The following CNTNAP2 variants were observed in gnomAD, a reference collection of about 807,000 sequenced individuals.
The protein encoded by CNTNAP2 is contactin-associated protein-like 2.
CNTNAP2 carries 98 observed loss-of-function variants against 155.2 expected under a neutral mutation model. That is an observed-to-expected ratio of 0.63 (90% CI 0.54 to 0.75). The LOEUF is 0.75. CNTNAP2 is among the 30% of genes least tolerant of loss of function. The pLI is 0.00. For missense variants in CNTNAP2, 1,727 were observed against 1,688.1 expected, an observed-to-expected ratio of 1.02 and a Z score of -0.40; for synonymous variants, 651 against 631.2, an observed-to-expected ratio of 1.03 and a Z score of -0.47.
At chr7:146,196,209 G>C (rs1159720665) in intron 1 of CNTNAP2, among the ~76,000 whole-genome samples, 1 of 152,110 alleles carries the variant, frequency 6.6e-6, no homozygotes, top group Non-Finnish European at 1.5e-5. Context: ...ATTTGACAGA[G>C]AATCACCCAC....
chr7:146,622,778 G>A (rs554415793), intron 1 of CNTNAP2, among the ~76,000 whole-genome samples: 8 of 151,998 alleles, frequency 5.3e-5, no homozygotes, highest in Admixed American at 3.3e-4. Context: ...CCAATATGGT[G>A]AAACCCTGTC....
At chr7:147,782,607 G>A (rs78670315) in intron 13 of CNTNAP2, among the ~76,000 whole-genome samples, 2,702 of 152,114 alleles carry the variant, frequency 0.018, 73 homozygotes, top group African/African-American at 0.058. Flanking sequence ...AGCACTAATC[G>A]CATTCTTGAG....
intron 3 of CNTNAP2, among the ~76,000 whole-genome samples, chr7:146,866,167 T>C (rs530130144): frequency 2.6e-4 from 40 of 152,192 alleles, no homozygotes; most frequent in African/African-American, 9.4e-4. Context: ...TTTTGAAACA[T>C]TGGGATCCAG....
At chr7:146,814,987 T>C (rs898683849) in intron 2 of CNTNAP2, among the ~76,000 whole-genome samples, 1 of 152,168 alleles carries the variant, frequency 6.6e-6, no homozygotes, top group Non-Finnish European at 1.5e-5. Flanking sequence ...AATTTTCCTT[T>C]ATGTTTTGAA....
chr7:147,269,879 C>T (rs1040139721), intron 8 of CNTNAP2, among the ~76,000 whole-genome samples: 2 of 151,976 alleles, frequency 1.3e-5, no homozygotes, highest in Non-Finnish European at 2.9e-5. Context: ...ATGGTAAGAC[C>T]ACTGTCTCTA....
At chr7:147,870,656 C>T (rs1319014353) in intron 13 of CNTNAP2, among the ~76,000 whole-genome samples, 1 of 152,202 alleles carries the variant, frequency 6.6e-6, no homozygotes, top group African/African-American at 2.4e-5. Flanking sequence ...TCTTTATATG[C>T]CGCAATTCAT....
intron 10 of CNTNAP2, among the ~76,000 whole-genome samples, chr7:147,469,250 G>A (rs746011940): frequency 8.5e-5 from 13 of 152,072 alleles, no homozygotes; most frequent in Non-Finnish European, 1.3e-4. Context: ...GTTCAATTCC[G>A]TGTCCGTTCT....
intron 21 of CNTNAP2, among the ~76,000 whole-genome samples, chr7:148,367,471 GA>G (rs1309710155): frequency 1.3e-5 from 2 of 151,726 alleles, no homozygotes; most frequent in African/African-American, 4.8e-5. Flanking sequence ...TATTACTTTT[GA>G]TTTTTTTTTA....
At chr7:147,670,888 C>T (rs966781871) in intron 13 of CNTNAP2, among the ~76,000 whole-genome samples, 6 of 152,196 alleles carry the variant, frequency 3.9e-5, no homozygotes, top group African/African-American at 1.4e-4. Context: ...GGCAGAGGGA[C>T]GACTCAGCTG....
chr7:146,263,262 CGAGG>C (rs201163036), intron 1 of CNTNAP2, among the ~76,000 whole-genome samples: 6 of 146,768 alleles, frequency 4.1e-5, no homozygotes, highest in African/African-American at 1.3e-4. Flanking sequence ...AGGGAGTGAG[CGAGG>C]GAGGGAGGGA....
At position 146,801,485 on chromosome 7, in the gene CNTNAP2, C is replaced by T. The variant is rs75258354; in HGVS notation, c.208+27104C>T. On this transcript the variant is annotated intron_variant, in intron 2 of 23. Transcript: ENST00000361727. ...TTCCATGGAATTATTAAACTTTCTC[C>T]ACATGTTGAAAGATTTATTCAGGCA... is the stretch of plus-strand genomic sequence containing the variant. Among the ~76,000 whole-genome samples the T allele has an allele frequency of 6.2e-4, 95 of 152,192 alleles. No homozygotes were observed. The East Asian group carries it at 0.018, about 28-fold the overall frequency.
chr7:146,331,057 C>G (rs1801176528), intron 1 of CNTNAP2, among the ~76,000 whole-genome samples: 1 of 152,186 alleles, frequency 6.6e-6, no homozygotes, highest in African/African-American at 2.4e-5. Context: ...GTAATCCCAG[C>G]ACTTTGGGAG....
chr7:147,427,628 T>A (rs770997662), intron 10 of CNTNAP2, among the ~76,000 whole-genome samples: 2 of 152,142 alleles, frequency 1.3e-5, no homozygotes, highest in Non-Finnish European at 2.9e-5. Flanking sequence ...ATAAACTACA[T>A]CATATTCACA....
At chr7:146,995,731 A>C (rs1325234559) in intron 3 of CNTNAP2, among the ~76,000 whole-genome samples, 2 of 152,070 alleles carry the variant, frequency 1.3e-5, no homozygotes, top group South Asian at 4.1e-4. Context: ...ACAAAATTTA[A>C]CCTACATTTA....
At chr7:147,761,843 C>T (rs191840527) in intron 13 of CNTNAP2, among the ~76,000 whole-genome samples, 120 of 152,124 alleles carry the variant, frequency 7.9e-4, no homozygotes, top group Non-Finnish European at 1.3e-3. Context: ...CTAGATTTTC[C>T]TCTGTCGCTG....
chr7:147,135,993 A>C (rs1801469998), intron 8 of CNTNAP2, among the ~76,000 whole-genome samples: 1 of 151,668 alleles, frequency 6.6e-6, no homozygotes, highest in African/African-American at 2.4e-5. Context: ...TGGTAGTAAA[A>C]AAGCATTAAT....
intron 9 of CNTNAP2, among the ~76,000 whole-genome samples, chr7:147,331,833 C>T (rs1175341528): frequency 6.6e-6 from 1 of 152,156 alleles, no homozygotes; most frequent in Non-Finnish European, 1.5e-5. Flanking sequence ...TGGAACTAAC[C>T]AATGATCAGT....
At chr7:146,663,297 AAG>A (rs1387628782) in intron 1 of CNTNAP2, among the ~76,000 whole-genome samples, 60 of 89,152 alleles carry the variant, frequency 6.7e-4, no homozygotes, top group African/African-American at 1.5e-3. Flanking sequence ...AAAAAAAAAA[AAG>A]AAAGAAAGAA....
At chr7:147,278,816 TA>T (rs1186533466) in intron 8 of CNTNAP2, among the ~76,000 whole-genome samples, 1 of 151,436 alleles carries the variant, frequency 6.6e-6, no homozygotes. Flanking sequence ...TGTTAAGTAA[TA>T]AAACTTGCAT....
Sources: allele counts gnomAD v4.1 joint callset (sites outside exome capture counted in the v4.1 genomes callset), GRCh38; gene constraint gnomAD v4.1.1; transcripts MANE v1.5; gene names NCBI Gene and HGNC (gene_info 2026-07-23, HGNC 2026-07-21).